The following SUMF1 variants were observed in gnomAD, a reference collection of about 807,000 sequenced individuals.
The protein encoded by SUMF1 is formylglycine-generating enzyme.
SUMF1 carries 48 observed loss-of-function variants against 47.6 expected under a neutral mutation model. That is an observed-to-expected ratio of 1.01 (90% CI 0.80 to 1.28). SUMF1 has a LOEUF of 1.28. Among genes scored for constraint, SUMF1 ranks in the 50% most tolerant of loss-of-function variants. The pLI is 0.00. For missense variants in SUMF1, 571 were observed against 485.4 expected (o/e 1.18, Z -1.66); for synonymous variants, 230 against 192.1 (o/e 1.20, Z -1.63).
intron 8 of SUMF1, among the ~76,000 whole-genome samples, chr3:4,089,822 T>A (rs187216825): frequency 6.6e-6 from 1 of 152,174 alleles, no homozygotes; most frequent in African/African-American, 2.4e-5. Flanking sequence ...AAGATACTCA[T>A]CACATTTCAT....
At chr3:4,418,689 G>GT (rs1454647719) in intron 4 of SUMF1, among the ~76,000 whole-genome samples, 3 of 152,192 alleles carry the variant, frequency 2.0e-5, no homozygotes, top group Non-Finnish European at 4.4e-5. Flanking sequence ...CAGGTGTGGG[G>GT]CCCTAACATT....
chr3:4,325,574 T>C (rs1036124258), intron 8 of SUMF1, among the ~76,000 whole-genome samples: 3 of 149,770 alleles, frequency 2.0e-5, no homozygotes, highest in African/African-American at 7.6e-5. Flanking sequence ...TATATATATA[T>C]ATATGTATGT....
intron 8 of SUMF1, among the ~76,000 whole-genome samples, chr3:4,193,394 C>T (rs1559553575): frequency 6.6e-6 from 1 of 151,986 alleles, no homozygotes; most frequent in African/African-American, 2.4e-5. Flanking sequence ...ATTTATCAGA[C>T]TTGAGGGGAT....
intron 8 of SUMF1, among the ~76,000 whole-genome samples, chr3:4,217,240 C>A (rs1435406853): frequency 6.6e-6 from 1 of 151,512 alleles, no homozygotes; most frequent in Non-Finnish European, 1.5e-5. Flanking sequence ...TGGAAACCAT[C>A]ACTCTCAGCA....
rs540408195 is a variant in SUMF1 at position 4,108,013 on chromosome 3, T to C, written c.1015-39268A>G. On this transcript the variant is annotated intron_variant and NMD_transcript_variant, in intron 8 of 12. Coordinates refer to the SUMF1 transcript ENST00000448413. ...AACTAGAAAAAACAATTTCTGGAAA[T>C]AACCCAAATGCCCAACAATAGGGGA... Among the ~76,000 whole-genome samples the C allele has an allele frequency of 1.1e-4, 16 of 152,098 alleles. No homozygotes were observed. In the East Asian group the frequency reaches 2.7e-3, roughly 26 times the overall value.
At chr3:4,114,655 T>G (rs1000395184) in intron 8 of SUMF1, among the ~76,000 whole-genome samples, 1 of 152,130 alleles carries the variant, frequency 6.6e-6, no homozygotes, top group Admixed American at 6.6e-5. Flanking sequence ...GGAGTTACTT[T>G]GGGTAAGGAG....
chr3:4,465,070 G>A (rs2079907405), intron 1 of SUMF1, among the ~76,000 whole-genome samples: 1 of 152,216 alleles, frequency 6.6e-6, no homozygotes, highest in African/African-American at 2.4e-5. Flanking sequence ...AATGTTCAAT[G>A]CTTGCCAGAG....
intron 8 of SUMF1, among the ~76,000 whole-genome samples, chr3:4,254,789 A>G (rs2125015291): frequency 6.7e-6 from 1 of 149,956 alleles, no homozygotes; most frequent in East Asian, 2.0e-4. Context: ...CCTCGAGAAG[A>G]GCAACTCCAA....
intron 8 of SUMF1, among the ~76,000 whole-genome samples, chr3:4,216,217 A>G (rs528745581): frequency 2.9e-4 from 44 of 152,338 alleles, no homozygotes; most frequent in Non-Finnish European, 2.4e-4. Flanking sequence ...AACAGAACAG[A>G]GGCCTCAGAA....
Position 4,073,505 on chromosome 3 carries a change from TG to T in SUMF1, c.1015-4761del, listed in dbSNP as rs368036800. Among the ~76,000 whole-genome samples, 703 of 152,228 alleles carry T rather than the reference TG, an allele frequency of 4.6e-3. 10 individuals carry two copies. The highest frequency in any genetic ancestry group is 0.016 in the African/African-American group (670 of 41,524). ...TAACAATACTAACCTTAAATGTAAA[TG>T]GGCTAAATGCTGCAATTAAAAGACA... On this transcript the variant is annotated intron_variant and NMD_transcript_variant, in intron 8 of 12. Coordinates refer to the SUMF1 transcript ENST00000448413.
intron 1 of SUMF1, among the ~76,000 whole-genome samples, chr3:4,460,299 T>C (rs2079776429): frequency 6.6e-6 from 1 of 152,184 alleles, no homozygotes; most frequent in South Asian, 2.1e-4. Flanking sequence ...CACTATATAC[T>C]CTTCTATATG....
At chr3:4,190,612 T>C (rs559023226) in intron 8 of SUMF1, among the ~76,000 whole-genome samples, 2 of 152,232 alleles carry the variant, frequency 1.3e-5, no homozygotes, top group Admixed American at 6.5e-5. Context: ...TCACCTTTCA[T>C]CTTGACAACC....
intron 8 of SUMF1, among the ~76,000 whole-genome samples, chr3:4,298,222 C>G (rs545510319): frequency 2.6e-5 from 4 of 152,068 alleles, no homozygotes. Flanking sequence ...GTTTGCAGAA[C>G]AAATTCTGAA....
At chr3:4,224,716 A>G (rs951459292) in intron 8 of SUMF1, among the ~76,000 whole-genome samples, 1 of 151,846 alleles carries the variant, frequency 6.6e-6, no homozygotes, top group African/African-American at 2.4e-5. Context: ...TTCTCTGGGC[A>G]TGAAAAAAAA....
chr3:4,445,689 T>A (rs975287252), intron 3 of SUMF1, among the ~76,000 whole-genome samples: 1 of 152,120 alleles, frequency 6.6e-6, no homozygotes. Flanking sequence ...CTTTTTTAAA[T>A]CCAGTGATTA....
chr3:4,120,154 T>C (rs1693506717), intron 8 of SUMF1, among the ~76,000 whole-genome samples: 2 of 152,112 alleles, frequency 1.3e-5, no homozygotes, highest in African/African-American at 4.8e-5. Context: ...ACTATTAAAG[T>C]TGCCAATTTT....
intron 8 of SUMF1, among the ~76,000 whole-genome samples, chr3:4,116,890 G>C (rs952189769): frequency 6.6e-6 from 1 of 152,104 alleles, no homozygotes; most frequent in Non-Finnish European, 1.5e-5. Context: ...AATAAGGTCA[G>C]GGATGTGGGA....
At chr3:4,050,748 C>CAA (rs34228101) in intron 9 of SUMF1, among the ~76,000 whole-genome samples, 4,831 of 86,688 alleles carry the variant, frequency 0.056, 447 homozygotes, top group African/African-American at 0.17. Flanking sequence ...GACCCTGTCT[C>CAA]AAAAAAAAAA....
chr3:4,187,438 T>C (rs1695224694), intron 8 of SUMF1, among the ~76,000 whole-genome samples: 1 of 152,202 alleles, frequency 6.6e-6, no homozygotes, highest in African/African-American at 2.4e-5. Context: ...CATTTGATTT[T>C]TTTTTTCCTT....
Sources: gnomAD v4.1 joint callset for allele counts (sites outside exome capture counted in the v4.1 genomes callset) on GRCh38, gnomAD v4.1.1 for gene constraint, MANE v1.5 for transcripts, NCBI Gene and HGNC (gene_info 2026-07-23, HGNC 2026-07-21) for gene names.